The following SRRM4 variants were observed in gnomAD, a reference collection of about 807,000 sequenced individuals.
SRRM4 encodes the protein serine/arginine repetitive matrix protein 4.
A neutral mutation model predicts 68.9 loss-of-function variants in SRRM4; 33 were observed. The observed-to-expected ratio is 0.48, with a 90% CI of 0.36 to 0.64. The LOEUF is 0.64. SRRM4 is among the 30% of genes least tolerant of loss of function. The probability of loss-of-function intolerance (pLI) is 0.00; values close to 1 mark genes in which losing one functional copy is unlikely to be tolerated. For synonymous variants in SRRM4, 318 were observed against 318.8 expected, an observed-to-expected ratio of 1.00 and a Z score of 0.03; for missense variants, 817 against 827.1, an observed-to-expected ratio of 0.99 and a Z score of 0.15.
intron 1 of SRRM4, among the ~76,000 whole-genome samples, chr12:119,025,400 T>A (rs1004069188): frequency 1.3e-5 from 2 of 151,648 alleles, no homozygotes; most frequent in African/African-American, 4.8e-5. Flanking sequence ...TAGATGTGGG[T>A]GTCAAGATAA....
chr12:119,074,468 T>C (rs974166200), intron 1 of SRRM4, among the ~76,000 whole-genome samples: 1 of 152,164 alleles, frequency 6.6e-6, no homozygotes, highest in Non-Finnish European at 1.5e-5. Context: ...CTATAAGCCT[T>C]GTGGTAAGGC....
At chr12:119,010,315 A>G (rs147531450) in intron 1 of SRRM4, among the ~76,000 whole-genome samples, 5,499 of 152,302 alleles carry the variant, frequency 0.036, 375 homozygotes, top group African/African-American at 0.13. Flanking sequence ...AGCCTCCCAG[A>G]GTGCTGGGAG....
At chr12:119,107,097 T>C (rs986825951) in intron 2 of SRRM4, among the ~76,000 whole-genome samples, 1 of 152,142 alleles carries the variant, frequency 6.6e-6, no homozygotes, top group African/African-American at 2.4e-5. Context: ...GTTCTATTTA[T>C]ATGATGGATT....
At chr12:119,060,192 T>A (rs887633624) in intron 1 of SRRM4, among the ~76,000 whole-genome samples, 1 of 151,840 alleles carries the variant, frequency 6.6e-6, no homozygotes, top group Non-Finnish European at 1.5e-5. Flanking sequence ...CAAAATGATA[T>A]CTGAGAAAAC....
chr12:119,120,423 G>C, intron 5 of SRRM4, 147 bp downstream of exon 5: 1 of 874,314 alleles, frequency 1.1e-6, no homozygotes. Context: ...CCAAAATGAA[G>C]GTCTGGGCTG....
chr12:119,090,547 C>T (rs1954008727), intron 1 of SRRM4, among the ~76,000 whole-genome samples: 3 of 152,154 alleles, frequency 2.0e-5, no homozygotes, highest in Non-Finnish European at 1.5e-5. Flanking sequence ...CCTCCCTCCC[C>T]ACATCCCACC....
Position 119,151,187 on chromosome 12 carries a change from A to C in SRRM4, c.1247A>C (p.Tyr416Ser), listed in dbSNP as rs376733585. The C allele has an allele frequency of 3.1e-6, 5 of 1,614,004 alleles. No individual in the cohort carries two copies. The highest frequency in any genetic ancestry group is 4.2e-6 in the Non-Finnish European group (5 of 1,179,890). The change falls in exon 10 of 13, where the codon TAC becomes TCC. Residue 416 changes from tyrosine to serine, a missense_variant. Physicochemically the swap from Tyr to Ser is moderately radical, Grantham distance 144. Coordinates refer to ENST00000267260, the MANE Select transcript of SRRM4 (RefSeq NM_194286.4). ...RSPNPRASPRYTQSRSTSSEK... is the reference protein window; with the variant it reads ...RSPNPRASPRSTQSRSTSSEK... ...CCAAATCCCAGGGCTTCCCCCAGGT[A>C]CACCCAAAGCCGATCCACCTCTTCT...
chr12:119,113,038 A>G (rs904522931), intron 2 of SRRM4, among the ~76,000 whole-genome samples: 2 of 152,198 alleles, frequency 1.3e-5, no homozygotes, highest in African/African-American at 4.8e-5. Flanking sequence ...GAAAAGCTCA[A>G]TAATATAAAT....
At chr12:119,028,464 GTTCTC>G (rs1365098881) in intron 1 of SRRM4, among the ~76,000 whole-genome samples, 1 of 152,182 alleles carries the variant, frequency 6.6e-6, no homozygotes, top group Non-Finnish European at 1.5e-5. Context: ...CCCTGCACAA[GTTCTC>G]TTCTCTTGTC....
rs10549675 is a variant in SRRM4, at chr12:119,129,963, AGATGGATGGATG to A, written c.615-678_615-667del. On this transcript the variant is annotated intron_variant, in intron 7 of 12. Coordinates refer to ENST00000267260, the MANE Select transcript of SRRM4 (RefSeq NM_194286.4). ...TGGATGAACAGATGGAAGGAAGGAC[AGATGGATGGATG>A]GATGGATGGATGGATGGATGGATGG... 7.2e-3 allele frequency among the ~76,000 whole-genome samples: 983 copies of A among 136,630 alleles called. 10 individuals are homozygous for A. The highest frequency in any genetic ancestry group is 0.022 in the African/African-American group (796 of 35,694). The allele number at this position is 136,630 out of a possible 152,430, so 89.6% of individuals were successfully genotyped here.
intron 1 of SRRM4, among the ~76,000 whole-genome samples, chr12:119,038,804 G>A (rs917432321): frequency 1.3e-5 from 2 of 152,110 alleles, no homozygotes; most frequent in Non-Finnish European, 2.9e-5. Flanking sequence ...AGTTAGATCC[G>A]ACGTGTTATC....
chr12:119,117,955 G>C (rs1224481363), intron 4 of SRRM4, among the ~76,000 whole-genome samples: 2 of 152,104 alleles, frequency 1.3e-5, no homozygotes, highest in African/African-American at 2.4e-5. Context: ...TACAACAGAG[G>C]GCTCAGGTTT....
intron 8 of SRRM4, among the ~76,000 whole-genome samples, chr12:119,133,719 C>A (rs972742130): frequency 9.2e-5 from 14 of 152,336 alleles, no homozygotes; most frequent in African/African-American, 3.1e-4. Context: ...TTCATTGAAT[C>A]ACCTGTCTGA....
chr12:119,074,172 A>G (rs1457844072), intron 1 of SRRM4, among the ~76,000 whole-genome samples: 1 of 145,242 alleles, frequency 6.9e-6, no homozygotes, highest in Non-Finnish European at 1.5e-5. Context: ...CTTCCTCTGA[A>G]TGCTTGCCAA....
In SRRM4 at chr12:119,157,109, C is replaced by T; in HGVS notation, c.*311C>T. 2 of 342,556 alleles carry T rather than the reference C, an allele frequency of 5.8e-6. No individual in the cohort carries two copies. The highest frequency in any genetic ancestry group is 1.0e-5 in the Non-Finnish European group (2 of 190,956). 21.2% of individuals were successfully genotyped at this position (342,556 alleles called of 1,614,324 possible). A position where few individuals can be genotyped will look rare whatever the true frequency, so the allele number is the denominator to read the frequency against. ...TTTGTGAGAAGCAATGGGTCTGTGA[C>T]TCAAAAATTGAGCCCTGGCCAGGAA... is the stretch of plus-strand genomic sequence containing the variant. On this transcript the variant is annotated 3_prime_UTR_variant, in exon 13 of 13. Transcript: ENST00000267260. The surrounding 1 kb of genome is among the most constrained non-coding windows in gnomAD (Gnocchi z 4.1).
In SRRM4 at chr12:119,145,391, C is replaced by G. The variant is rs537693216; in HGVS notation, c.782C>G (p.Ser261Trp). The change falls in exon 9 of 13, where the codon TCG (serine) becomes TGG (tryptophan). Residue 261 changes from serine to tryptophan, a missense_variant. Physicochemically the swap from Ser to Trp is radical, Grantham distance 177. Coordinates refer to ENST00000267260, the MANE Select transcript of SRRM4 (RefSeq NM_194286.4). The part of the protein sequence containing the change: ...YLSARGVITG[S>W]GSAADLFTKT... ...TCTTTTTGCTTTCAGATCACTGGGT[C>G]GGGGTCTGCTGCTGACCTCTTTACC... 1.2e-6 allele frequency: 2 copies of G among 1,602,948 alleles called. No homozygotes were observed. Among genetic ancestry groups the G allele is most frequent in the East Asian group, 4.5e-5 (2 of 44,526 alleles).
At position 119,153,396 on chromosome 12, in the gene SRRM4, T is replaced by C. The variant is rs1954451108; in HGVS notation, c.1281-143T>C. On this transcript the variant is annotated intron_variant, in intron 10 of 12. Coordinates refer to ENST00000267260, the MANE Select transcript of SRRM4 (RefSeq NM_194286.4). ...ACCGGTGGGGAGGGGCTTTCATTCT[T>C]TGATCGGGGCCCAGTTCCTCTGCCT... is the stretch of plus-strand genomic sequence containing the variant. 2.5e-5 allele frequency: 15 copies of C among 605,888 alleles called. No individual in the cohort carries two copies. The East Asian group carries it at 4.2e-4, about 17-fold the overall frequency. The allele number at this position is 605,888 out of a possible 1,614,324, so 37.5% of individuals were successfully genotyped here.
intron 12 of SRRM4, among the ~76,000 whole-genome samples, chr12:119,156,229 T>C (rs1310202369): frequency 6.6e-6 from 1 of 152,206 alleles, no homozygotes; most frequent in African/African-American, 2.4e-5. Flanking sequence ...GTAGATTCTG[T>C]TGCAAGCTGA....
intron 1 of SRRM4, among the ~76,000 whole-genome samples, chr12:119,030,660 T>C (rs1953583374): frequency 6.6e-6 from 1 of 152,222 alleles, no homozygotes. Flanking sequence ...TACAATCATA[T>C]TTTCATTGCT....
Sources: gnomAD v4.1 joint callset for allele counts (sites outside exome capture counted in the v4.1 genomes callset) on GRCh38, gnomAD v4.1.1 for gene constraint, Gnocchi (gnomAD v3.1) non-coding constraint, MANE v1.5 for transcripts, NCBI Gene and HGNC (gene_info 2026-07-23, HGNC 2026-07-21) for gene names.